Variants in PIBF1 observed in about 807,000 individuals in gnomAD.
PIBF1 encodes progesterone immunomodulatory binding factor 1, also known as progesterone-induced-blocking factor 1.
A neutral mutation model predicts 112.5 loss-of-function variants in PIBF1; 90 were observed. The ratio of observed to expected loss-of-function variants is 0.80; its 90% CI spans 0.67 to 0.95. The LOEUF is 0.95. Ranked by LOEUF, PIBF1 falls within the 40% of genes least tolerant of loss-of-function variation. The pLI, the probability that PIBF1 is intolerant of heterozygous loss-of-function variation, is 0.00. For synonymous variants in PIBF1, 301 were observed against 288.6 expected (o/e 1.04, Z -0.44); for missense variants, 915 against 852.3 (o/e 1.07, Z -0.92).
chr13:72,865,709 C>T lies in PIBF1; in HGVS notation c.1322+11554C>T, dbSNP rs1326188907. Among the ~76,000 whole-genome samples, 6 of 152,204 alleles carry T rather than the reference C, an allele frequency of 3.9e-5. No individual in the cohort carries two copies. In the East Asian group the frequency reaches 5.8e-4, roughly 15 times the overall value. ...TCCTCAGTTACACTGTTACTAGAAA[C>T]GGAGCCATAATTACACATCTGTTCT... On this transcript the variant is annotated intron_variant, in intron 10 of 17. Transcript: ENST00000326291.
chr13:72,806,315 GT>G (rs1245124765), intron 5 of PIBF1, among the ~76,000 whole-genome samples: 2 of 151,294 alleles, frequency 1.3e-5, no homozygotes, highest in Non-Finnish European at 2.9e-5. Flanking sequence ...TTTGTGATTG[GT>G]TTCAATTAGC....
chr13:72,873,968 A>G (rs1376024595), intron 10 of PIBF1, among the ~76,000 whole-genome samples: 1 of 152,216 alleles, frequency 6.6e-6, no homozygotes, highest in African/African-American at 2.4e-5. Context: ...GTAGAAATAC[A>G]GATGACCAAT....
chr13:72,978,743 C>T (rs985005233), intron 16 of PIBF1, among the ~76,000 whole-genome samples: 3 of 151,900 alleles, frequency 2.0e-5, no homozygotes, highest in Non-Finnish European at 2.9e-5. Context: ...CACTTGTACT[C>T]GGATTAAGAC....
chr13:72,859,245 A>G (rs1045918931), intron 10 of PIBF1, among the ~76,000 whole-genome samples: 2 of 152,146 alleles, frequency 1.3e-5, no homozygotes, highest in African/African-American at 4.8e-5. Flanking sequence ...AAAGAAGACT[A>G]CATTTCAATT....
At chr13:72,860,227 A>G (rs921251487) in intron 10 of PIBF1, among the ~76,000 whole-genome samples, 2 of 151,982 alleles carry the variant, frequency 1.3e-5, no homozygotes, top group Non-Finnish European at 2.9e-5. Flanking sequence ...TTACCATGCA[A>G]AAGAAATGGT....
In PIBF1 at chr13:72,854,135, A is replaced by G; in HGVS notation, c.1302A>G (p.Lys434=). 2.5e-6 allele frequency: 4 copies of G among 1,609,222 alleles called. No individual in the cohort carries two copies. The highest frequency in any genetic ancestry group is 3.4e-6 in the Non-Finnish European group (4 of 1,175,532). Residue 434 remains lysine (K), a synonymous_variant, in exon 10 of 18, where the codon AAA becomes AAG. Transcript: ENST00000326291. ...AVMAEKDALE[K]HDQLLDRYRE... ...TGGCTGAAAAGGATGCTTTAGAAAAACACGATCAGCTCTTAGACAGGTAAG... is the reference window on the plus strand; with the variant it reads ...TGGCTGAAAAGGATGCTTTAGAAAAGCACGATCAGCTCTTAGACAGGTAAG...
rs1209276126 is a variant in PIBF1 at position 72,907,894 on chromosome 13, G to A, written c.1489-637G>A. 2.6e-5 allele frequency among the ~76,000 whole-genome samples: 4 copies of A among 152,026 alleles called. No individual in the cohort carries two copies. In the East Asian group the frequency reaches 7.7e-4, roughly 29 times the overall value. On this transcript the variant is annotated intron_variant, in intron 11 of 17. Transcript: ENST00000326291. ...GTGTTTCCTTCAATGAATTACCATTGGAGTGTAGGATTTTTTGCTTGTATA... is the reference window on the plus strand; with the variant it reads ...GTGTTTCCTTCAATGAATTACCATTAGAGTGTAGGATTTTTTGCTTGTATA...
chr13:72,912,576 A>G (rs188537888), intron 12 of PIBF1, among the ~76,000 whole-genome samples: 12 of 152,310 alleles, frequency 7.9e-5, no homozygotes, highest in African/African-American at 2.6e-4. Flanking sequence ...AAATAATTAA[A>G]CAACCTAATC....
intron 14 of PIBF1, among the ~76,000 whole-genome samples, chr13:72,938,400 T>G (rs78554501): frequency 0.011 from 1,713 of 152,148 alleles, 19 homozygotes; most frequent in African/African-American, 0.026. Context: ...TAATGTGCTC[T>G]CTCTCTCTCT....
At chr13:72,987,862 T>TTTATTTA in intron 16 of PIBF1, among the ~76,000 whole-genome samples, 66 of 87,026 alleles carry the variant, frequency 7.6e-4, no homozygotes, top group African/African-American at 3.4e-3. Flanking sequence ...TTATTTATTT[T>TTTATTTA]TTTTTTTTTT....
chr13:72,974,894 A>C (rs969987760), intron 16 of PIBF1, among the ~76,000 whole-genome samples: 1 of 152,284 alleles, frequency 6.6e-6, no homozygotes, highest in South Asian at 2.1e-4. Context: ...CAAAGTTACT[A>C]TACTTTTGCA....
intron 17 of PIBF1, among the ~76,000 whole-genome samples, chr13:73,010,228 A>AG (rs1555333348): frequency 4.1e-5 from 3 of 73,450 alleles, no homozygotes; most frequent in East Asian, 4.5e-4. Flanking sequence ...TTTCTATGCT[A>AG]GTTTTTTTTT....
At position 72,927,974 on chromosome 13, in the gene PIBF1, T is replaced by C. The variant is rs1265134649; in HGVS notation, c.1731-3191T>C. Among the ~76,000 whole-genome samples the C allele has an allele frequency of 8.3e-4, 78 of 93,534 alleles. 3 individuals are homozygous for C. The highest frequency in any genetic ancestry group is 2.4e-3 in the African/African-American group (64 of 26,664). 61.4% of individuals were successfully genotyped at this position (93,534 alleles called of 152,430 possible). A position where few individuals can be genotyped will look rare whatever the true frequency, so the allele number is the denominator to read the frequency against. On this transcript the variant is annotated intron_variant, in intron 13 of 17. Transcript: ENST00000326291. ...ATATATATATACACATATATATATA[T>C]ATACATATATATATACACACACATA...
At chr13:72,850,250 T>G (rs1230635552) in intron 9 of PIBF1, among the ~76,000 whole-genome samples, 6 of 152,316 alleles carry the variant, frequency 3.9e-5, no homozygotes, top group Non-Finnish European at 7.4e-5. Context: ...CCCCAGTTCA[T>G]TTCTGTTTTC....
intron 9 of PIBF1, among the ~76,000 whole-genome samples, chr13:72,837,494 A>T (rs919579376): frequency 6.6e-6 from 1 of 152,022 alleles, no homozygotes; most frequent in African/African-American, 2.4e-5. Flanking sequence ...TTTTTTGACC[A>T]TATATGTTTG....
At chr13:73,003,715 TTG>T (rs1456479148) in intron 17 of PIBF1, among the ~76,000 whole-genome samples, 1 of 152,098 alleles carries the variant, frequency 6.6e-6, no homozygotes, top group Non-Finnish European at 1.5e-5. Flanking sequence ...CCTACTTTTT[TTG>T]TTTTATTTTT....
chr13:72,782,554 G>C (rs570876702), intron 1 of PIBF1, among the ~76,000 whole-genome samples: 4 of 152,250 alleles, frequency 2.6e-5, no homozygotes, highest in Non-Finnish European at 5.9e-5. Flanking sequence ...TCTTAGTATA[G>C]TTCTCGCTGT....
intron 12 of PIBF1, among the ~76,000 whole-genome samples, chr13:72,909,406 T>C (rs1163915002): frequency 6.6e-6 from 1 of 151,656 alleles, no homozygotes; most frequent in East Asian, 1.9e-4. Context: ...TCAGTGGAAA[T>C]ACAAAAGAGA....
At chr13:72,982,741 G>C (rs1026785611) in intron 16 of PIBF1, among the ~76,000 whole-genome samples, 15 of 152,108 alleles carry the variant, frequency 9.9e-5, no homozygotes, top group African/African-American at 3.1e-4. Context: ...TTTAGAAACT[G>C]TCATCAAAAA....
Sources: gnomAD v4.1 joint callset for allele counts (sites outside exome capture counted in the v4.1 genomes callset) on GRCh38, gnomAD v4.1.1 for gene constraint, MANE v1.5 for transcripts, NCBI Gene and HGNC (gene_info 2026-07-23, HGNC 2026-07-21) for gene names.